The following SGCZ variants were observed in gnomAD, a reference collection of about 807,000 sequenced individuals.
SGCZ encodes the protein zeta-sarcoglycan.
In SGCZ, 40 loss-of-function variants were observed where a neutral mutation model predicts 41.3. The observed-to-expected ratio is 0.97, with a 90% CI of 0.75 to 1.26. The LOEUF (loss-of-function observed/expected upper bound fraction) is 1.26, where lower values mean the gene tolerates loss of function less well. SGCZ is among the 50% of genes most tolerant of loss of function. The probability of loss-of-function intolerance (pLI) is 0.00; values close to 1 mark genes in which losing one functional copy is unlikely to be tolerated. For missense variants in SGCZ, 552 were observed against 369.8 expected, an observed-to-expected ratio of 1.49 and a Z score of -4.04; for synonymous variants, 206 against 137.5, an observed-to-expected ratio of 1.50 and a Z score of -3.49.
intron 2 of SGCZ, among the ~76,000 whole-genome samples, chr8:14,390,319 A>G (rs569429711): frequency 4.6e-5 from 7 of 151,554 alleles, no homozygotes; most frequent in African/African-American, 1.7e-4. Flanking sequence ...ATAATTTCAT[A>G]TTAAAATACG....
At chr8:15,153,559 A>G (rs1799241139) in intron 1 of SGCZ, among the ~76,000 whole-genome samples, 1 of 151,854 alleles carries the variant, frequency 6.6e-6, no homozygotes, top group African/African-American at 2.4e-5. Flanking sequence ...AGGTATTTTG[A>G]TCCCGGGGGT....
chr8:14,694,707 T>C (rs1808902167), intron 1 of SGCZ, among the ~76,000 whole-genome samples: 1 of 152,158 alleles, frequency 6.6e-6, no homozygotes, highest in South Asian at 2.1e-4. Flanking sequence ...AACCTTACTG[T>C]CATTTCAATA....
At chr8:14,638,558 C>T (rs1351321354) in intron 1 of SGCZ, among the ~76,000 whole-genome samples, 4 of 151,958 alleles carry the variant, frequency 2.6e-5, no homozygotes, top group Non-Finnish European at 4.4e-5. Context: ...ATATTGTTAT[C>T]TTTACCCACT....
At chr8:14,938,897 G>C (rs1263754918) in intron 1 of SGCZ, among the ~76,000 whole-genome samples, 4 of 151,858 alleles carry the variant, frequency 2.6e-5, no homozygotes, top group Admixed American at 2.0e-4. Flanking sequence ...GCAGTTGGTT[G>C]AATCCCCAAA....
At chr8:14,439,715 A>G (rs964771237) in intron 2 of SGCZ, among the ~76,000 whole-genome samples, 1 of 152,018 alleles carries the variant, frequency 6.6e-6, no homozygotes, top group Admixed American at 6.6e-5. Flanking sequence ...AAATTGACAA[A>G]TTAACACAAA....
intron 1 of SGCZ, among the ~76,000 whole-genome samples, chr8:14,746,863 A>G (rs1799352010): frequency 6.6e-6 from 1 of 152,186 alleles, no homozygotes; most frequent in South Asian, 2.1e-4. Flanking sequence ...TTTTTAACAT[A>G]AGCATCTTTC....
At chr8:15,004,727 C>T (rs147018483) in intron 1 of SGCZ, among the ~76,000 whole-genome samples, 1 of 152,228 alleles carries the variant, frequency 6.6e-6, no homozygotes, top group East Asian at 1.9e-4. Flanking sequence ...AGGATTCCCA[C>T]CTTCCCGATA....
chr8:14,515,025 T>C (rs986344484), intron 2 of SGCZ, among the ~76,000 whole-genome samples: 9 of 152,044 alleles, frequency 5.9e-5, no homozygotes, highest in African/African-American at 2.2e-4. Context: ...GTATATTTTA[T>C]AGGGCCTGCA....
intron 2 of SGCZ, among the ~76,000 whole-genome samples, chr8:14,545,834 C>T (rs144677923): frequency 4.6e-5 from 7 of 152,118 alleles, no homozygotes; most frequent in Non-Finnish European, 8.8e-5. Context: ...TTCTTTTTCT[C>T]TGGCAACATT....
chr8:14,909,079 T>C (rs1394401726), intron 1 of SGCZ, among the ~76,000 whole-genome samples: 1 of 152,192 alleles, frequency 6.6e-6, no homozygotes, highest in Non-Finnish European at 1.5e-5. Flanking sequence ...TTGCAAATCA[T>C]GTGCATCAAG....
intron 1 of SGCZ, among the ~76,000 whole-genome samples, chr8:14,978,961 A>T (rs1314683868): frequency 6.6e-6 from 1 of 151,978 alleles, no homozygotes; most frequent in African/African-American, 2.4e-5. Flanking sequence ...ACCACGCCCA[A>T]CTAATGTTTA....
At chr8:14,652,275 AG>A (rs1321327431) in intron 1 of SGCZ, among the ~76,000 whole-genome samples, 1 of 125,024 alleles carries the variant, frequency 8.0e-6, no homozygotes, top group Non-Finnish European at 1.6e-5. Flanking sequence ...CGGGAGGTGG[AG>A]GTTGCGGTGA....
chr8:14,967,404 A>G (rs1283536570), intron 1 of SGCZ, among the ~76,000 whole-genome samples: 1 of 152,132 alleles, frequency 6.6e-6, no homozygotes, highest in Admixed American at 6.5e-5. Context: ...ATGCATCTTC[A>G]TGCTCACTCT....
chr8:14,165,902 C>T (rs1804194009), intron 4 of SGCZ, among the ~76,000 whole-genome samples: 1 of 152,032 alleles, frequency 6.6e-6, no homozygotes, highest in Admixed American at 6.6e-5. Context: ...ATTCATTGGT[C>T]CCTAACCCCA....
At chr8:14,196,026 A>G (rs1302453077) in intron 4 of SGCZ, among the ~76,000 whole-genome samples, 1 of 152,140 alleles carries the variant, frequency 6.6e-6, no homozygotes, top group Non-Finnish European at 1.5e-5. Context: ...TTTAAAAATG[A>G]CAGTTTAAAC....
At chr8:14,792,429 A>G (rs1800986838) in intron 1 of SGCZ, among the ~76,000 whole-genome samples, 2 of 152,222 alleles carry the variant, frequency 1.3e-5, no homozygotes, top group East Asian at 1.9e-4. Flanking sequence ...TCAACTCTCT[A>G]TTCAACTCTT....
intron 3 of SGCZ, among the ~76,000 whole-genome samples, chr8:14,310,505 T>A (rs1044187958): frequency 6.6e-6 from 1 of 152,072 alleles, no homozygotes; most frequent in African/African-American, 2.4e-5. Flanking sequence ...TTTTGTATCT[T>A]TTTTTTATTT....
intron 4 of SGCZ, among the ~76,000 whole-genome samples, chr8:14,192,684 T>C (rs1805141914): frequency 6.6e-6 from 1 of 152,056 alleles, no homozygotes; most frequent in Non-Finnish European, 1.5e-5. Flanking sequence ...TGAAGTAGTT[T>C]CTCAATATTA....
chr8:14,839,862 C>G (rs1585308253), intron 1 of SGCZ, among the ~76,000 whole-genome samples: 1 of 152,082 alleles, frequency 6.6e-6, no homozygotes, highest in African/African-American at 2.4e-5. Context: ...ACCCACTTGA[C>G]AAGGATTGAA....
Sources: allele counts gnomAD v4.1 joint callset (sites outside exome capture counted in the v4.1 genomes callset), GRCh38; gene constraint gnomAD v4.1.1; transcripts MANE v1.5; gene names NCBI Gene and HGNC (gene_info 2026-07-23, HGNC 2026-07-21).